The following KALRN variants were observed in gnomAD, a reference collection of about 807,000 sequenced individuals.
KALRN encodes the protein kalirin RhoGEF kinase, also known as kalirin.
KALRN carries 70 observed loss-of-function variants against 353.7 expected under a neutral mutation model. The observed-to-expected ratio is 0.20, with a 90% CI of 0.16 to 0.24. The LOEUF is 0.24. Among genes scored for constraint, KALRN ranks in the 10% least tolerant of loss-of-function variants. The pLI is 1.00. For missense variants in KALRN, 2,791 were observed against 3,756.7 expected, an observed-to-expected ratio of 0.74 and a Z score of 6.72; for synonymous variants, 1,391 against 1,434.8, an observed-to-expected ratio of 0.97 and a Z score of 0.69.
chr3:124,365,222 C>T (rs2084522027), intron 10 of KALRN, among the ~76,000 whole-genome samples: 2 of 152,146 alleles, frequency 1.3e-5, no homozygotes, highest in Admixed American at 6.5e-5. Context: ...TATGTTTTTC[C>T]ATGCCTTATA....
chr3:124,118,015 T>C (rs746997155), intron 1 of KALRN, among the ~76,000 whole-genome samples: 6 of 152,226 alleles, frequency 3.9e-5, no homozygotes, highest in Non-Finnish European at 7.3e-5. Context: ...GGTTTTAAGC[T>C]GTCTTGGGAA....
intron 5 of KALRN, among the ~76,000 whole-genome samples, chr3:124,275,733 C>T (rs1023448317): frequency 6.6e-6 from 1 of 152,210 alleles, no homozygotes; most frequent in Non-Finnish European, 1.5e-5. Context: ...AATGAACCTG[C>T]TCTAAATCAT....
rs941076263 is a variant in KALRN at position 124,293,632 on chromosome 3, G to GA, written c.970-5150dup. Among the ~76,000 whole-genome samples, 25 of 150,016 alleles carry GA rather than the reference G, an allele frequency of 1.7e-4. No homozygotes were observed. The South Asian group carries it at 3.8e-3, about 23-fold the overall frequency. On this transcript the variant is annotated intron_variant, in intron 5 of 59. Coordinates refer to ENST00000682506, the MANE Select transcript of KALRN (RefSeq NM_001388419.1). ...TAAAAACAAAACCCCAAAAGAAAAG[G>GA]AAAAAAAAACCCCAAATGACTTACA... is the stretch of plus-strand genomic sequence containing the variant.
At chr3:124,035,378 TG>T (rs1433280344) in intron 1 of KALRN, among the ~76,000 whole-genome samples, 1 of 152,140 alleles carries the variant, frequency 6.6e-6, no homozygotes, top group African/African-American at 2.4e-5. Flanking sequence ...AATTCATAAC[TG>T]GGACTAGAAA....
In KALRN at chr3:124,719,739, A is replaced by C. The variant is rs3772800; in HGVS notation, c.*269A>C. 50,257 of 361,240 alleles carry C rather than the reference A, an allele frequency of 0.14. 4,106 individuals are homozygous for C. The highest frequency in any genetic ancestry group is 0.18 in the South Asian group (3,534 of 19,386). 22.4% of individuals were successfully genotyped at this position (361,240 alleles called of 1,614,324 possible). A position where few individuals can be genotyped will look rare whatever the true frequency, so the allele number is the denominator to read the frequency against. ...TCAGAAGAAGGGCAAAGATAAGAACAATATTAGCTGTTACGAAATTTTAAC... is the reference window on the plus strand; with the variant it reads ...TCAGAAGAAGGGCAAAGATAAGAACCATATTAGCTGTTACGAAATTTTAAC... On this transcript the variant is annotated 3_prime_UTR_variant, in exon 60 of 60. Transcript: ENST00000682506. The surrounding 1 kb of genome is among the most constrained non-coding windows in gnomAD (Gnocchi z 5.3).
At chr3:124,545,890 A>G (rs1236394077) in intron 33 of KALRN, among the ~76,000 whole-genome samples, 2 of 152,208 alleles carry the variant, frequency 1.3e-5, no homozygotes, top group African/African-American at 2.4e-5. Context: ...GCCCAAGCTC[A>G]GAACATAACC....
chr3:124,244,526 C>T (rs755710220), intron 3 of KALRN, among the ~76,000 whole-genome samples: 3 of 152,318 alleles, frequency 2.0e-5, no homozygotes, highest in East Asian at 3.9e-4. Context: ...CGTGAGCGAC[C>T]GCGCCTGGCC....
chr3:124,106,329 G>A (rs954431960), intron 1 of KALRN, among the ~76,000 whole-genome samples: 5 of 152,214 alleles, frequency 3.3e-5, no homozygotes, highest in Admixed American at 1.3e-4. Flanking sequence ...TCAGACTGGA[G>A]AGGTGGAATA....
At chr3:124,187,020 A>T (rs2074312161) in intron 1 of KALRN, among the ~76,000 whole-genome samples, 1 of 152,180 alleles carries the variant, frequency 6.6e-6, no homozygotes, top group African/African-American at 2.4e-5. Flanking sequence ...TGCGGGTGGG[A>T]TATCTTGCTG....
At chr3:124,524,987 G>T (rs1368147365) in intron 33 of KALRN, among the ~76,000 whole-genome samples, 2 of 152,308 alleles carry the variant, frequency 1.3e-5, no homozygotes, top group South Asian at 4.1e-4. Flanking sequence ...ATTGGGCTTC[G>T]TGAATAGAAT....
intron 37 of KALRN, among the ~76,000 whole-genome samples, chr3:124,642,240 C>T (rs749020717): frequency 2.6e-5 from 4 of 151,982 alleles, no homozygotes; most frequent in Non-Finnish European, 5.9e-5. Flanking sequence ...GCCGAGATCG[C>T]GCCACTGCAC....
chr3:124,635,085 G>A (rs1034344982), intron 36 of KALRN, among the ~76,000 whole-genome samples: 8 of 152,106 alleles, frequency 5.3e-5, no homozygotes, highest in Non-Finnish European at 8.8e-5. Context: ...TCACCTAGTC[G>A]TGGCCCCTCC....
chr3:124,519,169 G>T (rs2066948163), intron 33 of KALRN: 1 of 985,180 alleles, frequency 1.0e-6, no homozygotes, highest in Admixed American at 6.1e-5. Context: ...GCCCCTATTT[G>T]CTTCAGGTTA....
intron 1 of KALRN, among the ~76,000 whole-genome samples, chr3:124,043,175 T>C (rs1331381202): frequency 6.6e-6 from 1 of 152,058 alleles, no homozygotes; most frequent in African/African-American, 2.4e-5. Flanking sequence ...CAATTGTGTA[T>C]GGGAGGTGGA....
At chr3:124,398,633 C>G in intron 12 of KALRN, 64 bp from the exon 13 acceptor site, 1 of 1,532,316 alleles carries the variant, frequency 6.5e-7, no homozygotes, top group Non-Finnish European at 9.0e-7. Context: ...GATCCCCCTC[C>G]TCCTCTGTCA....
chr3:124,041,876 G>A (rs1293404417), intron 1 of KALRN, among the ~76,000 whole-genome samples: 1 of 152,184 alleles, frequency 6.6e-6, no homozygotes, highest in Non-Finnish European at 1.5e-5. Context: ...GAATCAAATG[G>A]GTGGACAGAG....
chr3:124,361,263 C>T (rs1402243582), intron 10 of KALRN, among the ~76,000 whole-genome samples: 2 of 152,144 alleles, frequency 1.3e-5, no homozygotes, highest in Admixed American at 1.3e-4. Context: ...CTTTATTTAT[C>T]TTTTTATGTT....
chr3:124,134,203 A>G (rs896773333), intron 1 of KALRN, among the ~76,000 whole-genome samples: 40 of 152,368 alleles, frequency 2.6e-4, no homozygotes, highest in African/African-American at 9.6e-4. Flanking sequence ...ATGGAACAGA[A>G]TAGAGAACCC....
intron 10 of KALRN, among the ~76,000 whole-genome samples, chr3:124,349,374 G>A (rs930261229): frequency 6.6e-6 from 1 of 152,222 alleles, no homozygotes; most frequent in Non-Finnish European, 1.5e-5. Context: ...CATTGCCCAC[G>A]GGCTGTATGT....
Sources: allele counts gnomAD v4.1 joint callset (sites outside exome capture counted in the v4.1 genomes callset), GRCh38; gene constraint gnomAD v4.1.1; non-coding constraint Gnocchi (gnomAD v3.1); transcripts MANE v1.5; gene names NCBI Gene and HGNC (gene_info 2026-07-23, HGNC 2026-07-21).